UBE3D: variants seen among roughly 807,000 people sequenced by gnomAD.
The protein encoded by UBE3D is ubiquitin protein ligase E3D.
Under a neutral mutation model 49.6 loss-of-function variants are expected in UBE3D, and 48 were observed. The ratio of observed to expected loss-of-function variants is 0.97; its 90% CI spans 0.77 to 1.23. The LOEUF (loss-of-function observed/expected upper bound fraction) is 1.23. Ranked by LOEUF, UBE3D falls within the 50% of genes most tolerant of loss-of-function variation. The pLI is 0.00. For missense variants in UBE3D, 452 were observed against 468.4 expected, an observed-to-expected ratio of 0.96 and a Z score of 0.32; for synonymous variants, 189 against 174.2, an observed-to-expected ratio of 1.08 and a Z score of -0.67.
intron 8 of UBE3D, among the ~76,000 whole-genome samples, chr6:82,991,871 T>C (rs927737144): frequency 6.6e-6 from 1 of 152,080 alleles, no homozygotes; most frequent in African/African-American, 2.4e-5. Context: ...GCACACAGCC[T>C]CAGGTGGTAG....
chr6:82,983,012 G>A (rs1326741803), intron 8 of UBE3D, among the ~76,000 whole-genome samples: 9 of 151,826 alleles, frequency 5.9e-5, no homozygotes, highest in African/African-American at 1.7e-4. Flanking sequence ...TTTTTAAACA[G>A]GGTCTCACTC....
intron 6 of UBE3D, among the ~76,000 whole-genome samples, chr6:83,022,980 G>A (rs1380504750): frequency 6.6e-6 from 1 of 152,198 alleles, no homozygotes; most frequent in Non-Finnish European, 1.5e-5. Flanking sequence ...TCTCCCTAAA[G>A]TGTCAGCTCT....
At chr6:82,905,598 C>T (rs1180305782) in intron 9 of UBE3D, among the ~76,000 whole-genome samples, 2 of 152,082 alleles carry the variant, frequency 1.3e-5, no homozygotes, top group Non-Finnish European at 2.9e-5. Context: ...GGAAGAGCCA[C>T]ACATTTTTCA....
intron 9 of UBE3D, among the ~76,000 whole-genome samples, chr6:82,954,270 G>A (rs1776006082): frequency 6.6e-6 from 1 of 152,152 alleles, no homozygotes; most frequent in South Asian, 2.1e-4. Context: ...ATATGTCAGT[G>A]AATCTCAATC....
At chr6:83,034,582 GT>G (rs975452629) in intron 5 of UBE3D, among the ~76,000 whole-genome samples, 5 of 152,066 alleles carry the variant, frequency 3.3e-5, no homozygotes, top group African/African-American at 1.2e-4. Flanking sequence ...GTCTCTAATG[GT>G]TTAGCACCAT....
chr6:83,047,459 C>G (rs1391974770), intron 3 of UBE3D, among the ~76,000 whole-genome samples: 1 of 152,242 alleles, frequency 6.6e-6, no homozygotes, highest in Non-Finnish European at 1.5e-5. Context: ...GCCAGGGCAG[C>G]TCCCGTACCT....
intron 9 of UBE3D, chr6:82,938,720 G>T (rs1269920209): frequency 6.6e-6 from 1 of 152,058 alleles, no homozygotes; most frequent in African/African-American, 2.4e-5. Context: ...TACAGTTTTC[G>T]TTCTTGAAAT....
rs530553741 is a variant in UBE3D, at chr6:82,931,404, G to A, written c.1149+25908C>T. On this transcript the variant is annotated intron_variant, in intron 9 of 9. Transcript: ENST00000369747. ...GCCACTGTCAACCAGACCCAGAATG[G>A]TAGATCCACTGACAGCTTGCACTGT... 1.4e-3 allele frequency among the ~76,000 whole-genome samples: 210 copies of A among 152,284 alleles called. 1 individual carries two copies. Among genetic ancestry groups the A allele is most frequent in the Middle Eastern group, 0.01 (3 of 294 alleles).
intron 2 of UBE3D, 102 bp downstream of exon 2, chr6:83,057,724 C>T (rs545029891): frequency 6.0e-6 from 7 of 1,176,382 alleles, no homozygotes; most frequent in Middle Eastern, 1.9e-4. Flanking sequence ...TAGAGCTTCT[C>T]AACCCCTTCA....
the UBE3D span, among the ~76,000 whole-genome samples, chr6:82,887,338 G>T: frequency 7.0e-6 from 1 of 143,764 alleles, no homozygotes; most frequent in African/African-American, 2.6e-5. Context: ...AAAAAAAAAA[G>T]GGAGAGAGAG....
chr6:82,892,809 T>TC lies in UBE3D; in HGVS notation c.*212dup. The TC allele has an allele frequency of 7.0e-6, 4 of 573,742 alleles. No homozygotes were observed. Among genetic ancestry groups the TC allele is most frequent in the Non-Finnish European group, 1.2e-5 (4 of 320,514 alleles). 35.5% of individuals were successfully genotyped at this position (573,742 alleles called of 1,614,324 possible). On this transcript the variant is annotated 3_prime_UTR_variant, in exon 10 of 10. Coordinates refer to ENST00000369747, the MANE Select transcript of UBE3D (RefSeq NM_198920.3). ...TTGCCTCAACCTGCTACTATGACTT[T>TC]CTTCACAGTCCTGGGTTTTCAAAGA...
chr6:83,057,425 A>G (rs1025779120), intron 2 of UBE3D, among the ~76,000 whole-genome samples: 1 of 152,234 alleles, frequency 6.6e-6, no homozygotes, highest in African/African-American at 2.4e-5. Context: ...TGCCTAGCAC[A>G]TAGCACAAAC....
intron 9 of UBE3D, among the ~76,000 whole-genome samples, chr6:82,922,205 C>G (rs1432695332): frequency 6.6e-6 from 1 of 152,082 alleles, no homozygotes; most frequent in African/African-American, 2.4e-5. Context: ...GAAACTTATT[C>G]CAGAATAAAT....
intron 9 of UBE3D, among the ~76,000 whole-genome samples, chr6:82,956,462 G>C (rs1160718699): frequency 2.0e-5 from 3 of 152,196 alleles, no homozygotes; most frequent in African/African-American, 7.2e-5. Context: ...GCAGAACTGA[G>C]TTAGACTAGG....
chr6:82,918,536 T>C (rs1476460533), intron 9 of UBE3D, among the ~76,000 whole-genome samples: 1 of 152,174 alleles, frequency 6.6e-6, no homozygotes, highest in Non-Finnish European at 1.5e-5. Context: ...GTAGCTTAAA[T>C]AATCAAAATA....
At chr6:82,938,163 A>C in intron 9 of UBE3D, 1 of 152,154 alleles carries the variant, frequency 6.6e-6, no homozygotes, top group South Asian at 2.1e-4. Context: ...GACAAAAATG[A>C]CTCTGTGCCT....
chr6:82,899,754 C>T (rs567683242), intron 9 of UBE3D, among the ~76,000 whole-genome samples: 2 of 152,320 alleles, frequency 1.3e-5, no homozygotes, highest in South Asian at 4.1e-4. Context: ...AATAACTGGA[C>T]TACGGACAGC....
intron 8 of UBE3D, among the ~76,000 whole-genome samples, chr6:82,971,652 A>T (rs1335544670): frequency 6.6e-6 from 1 of 152,042 alleles, no homozygotes; most frequent in Non-Finnish European, 1.5e-5. Flanking sequence ...TGGAATTCCT[A>T]GCCTCAAGTG....
At chr6:82,884,781 A>G in the UBE3D span, among the ~76,000 whole-genome samples, 1 of 152,186 alleles carries the variant, frequency 6.6e-6, no homozygotes, top group Non-Finnish European at 1.5e-5. Flanking sequence ...GGGAAATACG[A>G]ATGGAAGGGA....
Sources: allele counts gnomAD v4.1 joint callset (sites outside exome capture counted in the v4.1 genomes callset), GRCh38; gene constraint gnomAD v4.1.1; transcripts MANE v1.5; gene names NCBI Gene and HGNC (gene_info 2026-07-23, HGNC 2026-07-21).